GUCY1A2: variants seen among roughly 807,000 people sequenced by gnomAD.
GUCY1A2 encodes the protein guanylate cyclase soluble subunit alpha-2.
In GUCY1A2, 27 loss-of-function variants were observed where a neutral mutation model predicts 63.5. That is an observed-to-expected ratio of 0.43 (90% confidence interval 0.31 to 0.59). The LOEUF is 0.59. GUCY1A2 is among the 20% of genes least tolerant of loss of function. The probability of loss-of-function intolerance (pLI) is 0.11; values close to 1 mark genes in which losing one functional copy is unlikely to be tolerated. For missense variants in GUCY1A2, 768 were observed against 913.3 expected (o/e 0.84, Z 2.05); for synonymous variants, 364 against 343.5 (o/e 1.06, Z -0.66).
chr11:106,747,178 T>TG (rs1863804245), intron 6 of GUCY1A2, among the ~76,000 whole-genome samples: 1 of 152,064 alleles, frequency 6.6e-6, no homozygotes, highest in Non-Finnish European at 1.5e-5. Context: ...TTAGTAGAGA[T>TG]GGAGTTTCAC....
intron 4 of GUCY1A2, among the ~76,000 whole-genome samples, chr11:106,854,006 G>T (rs1158396723): frequency 1.3e-5 from 2 of 152,208 alleles, no homozygotes; most frequent in East Asian, 3.9e-4. Flanking sequence ...CAGGTGGGCT[G>T]GTCCTTGGGC....
At chr11:106,870,369 A>G (rs534059827) in intron 4 of GUCY1A2, among the ~76,000 whole-genome samples, 118 of 152,146 alleles carry the variant, frequency 7.8e-4, no homozygotes, top group African/African-American at 2.6e-3. Context: ...GTTTTGTGGG[A>G]GTTCTTTGGT....
intron 1 of GUCY1A2, among the ~76,000 whole-genome samples, chr11:106,987,151 C>G (rs1861412264): frequency 6.6e-6 from 1 of 152,176 alleles, no homozygotes; most frequent in African/African-American, 2.4e-5. Flanking sequence ...AGCATTGATC[C>G]ATTACAGCCA....
intron 4 of GUCY1A2, among the ~76,000 whole-genome samples, chr11:106,906,121 T>G (rs912789607): frequency 1.3e-5 from 2 of 152,012 alleles, no homozygotes; most frequent in Non-Finnish European, 1.5e-5. Context: ...AGAGATTCTG[T>G]GCAGCAAAAG....
chr11:106,818,618 TA>T (rs138334077), intron 4 of GUCY1A2, among the ~76,000 whole-genome samples: 1,864 of 152,200 alleles, frequency 0.012, 28 homozygotes, highest in African/African-American at 0.041. Flanking sequence ...TATCAAATGC[TA>T]GAAATGATTA....
At chr11:106,798,306 C>T (rs370425224) in intron 5 of GUCY1A2, among the ~76,000 whole-genome samples, 45 of 152,052 alleles carry the variant, frequency 3.0e-4, no homozygotes, top group African/African-American at 8.2e-4. Flanking sequence ...CAGGACCAGA[C>T]GGATTCACAG....
intron 1 of GUCY1A2, among the ~76,000 whole-genome samples, chr11:107,006,823 T>A (rs1861677459): frequency 6.6e-6 from 1 of 152,240 alleles, no homozygotes; most frequent in Admixed American, 6.5e-5. Context: ...TTTGGGATTA[T>A]GAAGGACTGA....
chr11:106,776,575 G>T lies in GUCY1A2; in HGVS notation c.1700C>A (p.Thr567Lys). The T allele has an allele frequency of 1.2e-6, 2 of 1,613,472 alleles. No homozygotes were observed. Among genetic ancestry groups the T allele is most frequent in the Non-Finnish European group, 8.5e-7 (1 of 1,179,538 alleles). The change falls in exon 6 of 8, where the codon ACA becomes AAA. Residue 567 changes from threonine (T) to lysine (K), a missense_variant. Physicochemically the swap from Thr to Lys is moderately conservative, Grantham distance 78. This residue lies in a region of GUCY1A2 where 122 missense variants were observed against 238.1 expected (regional missense o/e 0.51). Coordinates refer to ENST00000526355, the MANE Select transcript of GUCY1A2 (RefSeq NM_000855.3). ...TGCAACACAGTAGGCATCACCTATT[G>T]TTTCCACCTGCAGCAATCAGACAAA... ...CGFLDIYKVE[T>K]IGDAYCVAAG...
At chr11:106,690,349 G>C (rs1862601509) in intron 7 of GUCY1A2, among the ~76,000 whole-genome samples, 1 of 151,732 alleles carries the variant, frequency 6.6e-6, no homozygotes, top group South Asian at 2.1e-4. Context: ...CATAAAAAAA[G>C]AATGAGATCA....
At position 106,985,971 on chromosome 11, in the gene GUCY1A2, G is replaced by C. The variant is rs926740887; in HGVS notation, c.365+99C>G. 5 of 739,914 alleles carry C rather than the reference G, an allele frequency of 6.8e-6. No individual in the cohort carries two copies. The African/African-American group carries it at 8.7e-5, about 13-fold the overall frequency. 45.8% of individuals were successfully genotyped at this position (739,914 alleles called of 1,614,324 possible). A position where few individuals can be genotyped will look rare whatever the true frequency, so the allele number is the denominator to read the frequency against. On this transcript the variant is annotated intron_variant, in intron 2 of 7. Transcript: ENST00000526355. ...TGAAAACATAGCCACTATAAAATCA[G>C]GTTGACCTGGGTAGCAGAAAATCAC...
chr11:106,798,615 C>A (rs895847532), intron 5 of GUCY1A2, among the ~76,000 whole-genome samples: 1 of 152,116 alleles, frequency 6.6e-6, no homozygotes, highest in African/African-American at 2.4e-5. Flanking sequence ...TCAACATATG[C>A]AAATCAATAA....
intron 5 of GUCY1A2, among the ~76,000 whole-genome samples, chr11:106,793,448 T>G (rs549632191): frequency 3.6e-4 from 55 of 151,672 alleles, no homozygotes; most frequent in African/African-American, 1.3e-3. Context: ...TAGCAATGAG[T>G]TTTTTGGATA....
intron 4 of GUCY1A2, among the ~76,000 whole-genome samples, chr11:106,885,008 A>T (rs1296291981): frequency 1.3e-5 from 2 of 152,106 alleles, no homozygotes; most frequent in Non-Finnish European, 2.9e-5. Context: ...CAGAAAATTT[A>T]CTCCCAACGA....
At chr11:106,962,026 AAAGTT>A (rs1401044316) in intron 3 of GUCY1A2, among the ~76,000 whole-genome samples, 1 of 152,234 alleles carries the variant, frequency 6.6e-6, no homozygotes, top group Non-Finnish European at 1.5e-5. Flanking sequence ...AAATAAGAAT[AAAGTT>A]AAGTCCAATA....
chr11:106,703,838 A>ATGAT (rs1379932682), intron 7 of GUCY1A2, among the ~76,000 whole-genome samples: 1 of 151,982 alleles, frequency 6.6e-6, no homozygotes, highest in Non-Finnish European at 1.5e-5. Context: ...TTATTAAGTA[A>ATGAT]TGATTACTTA....
chr11:106,720,993 T>A (rs1863305964), intron 6 of GUCY1A2, among the ~76,000 whole-genome samples: 1 of 152,128 alleles, frequency 6.6e-6, no homozygotes, highest in South Asian at 2.1e-4. Context: ...ACGAAAAACA[T>A]TCTAAAATCA....
At chr11:106,909,355 C>CTGTGTGTGTGTG (rs59067320) in intron 4 of GUCY1A2, among the ~76,000 whole-genome samples, 8,255 of 119,884 alleles carry the variant, frequency 0.069, 577 homozygotes, top group East Asian at 0.2. Flanking sequence ...TGGTACTCAT[C>CTGTGTGTGTGTG]TGTGTGTGTG....
intron 4 of GUCY1A2, among the ~76,000 whole-genome samples, chr11:106,819,476 C>A (rs1424203060): frequency 6.6e-6 from 1 of 152,128 alleles, no homozygotes; most frequent in Non-Finnish European, 1.5e-5. Context: ...CTTCAGCAAC[C>A]ACTACCCTGA....
chr11:106,952,764 C>T (rs1323644968), intron 3 of GUCY1A2, among the ~76,000 whole-genome samples: 1 of 151,934 alleles, frequency 6.6e-6, no homozygotes, highest in African/African-American at 2.4e-5. Context: ...CCTCAGCCTC[C>T]CAATATCTGG....
Sources: gnomAD v4.1 joint callset for allele counts (sites outside exome capture counted in the v4.1 genomes callset) on GRCh38, gnomAD v4.1.1 for gene constraint, gnomAD v4.1.1 regional missense constraint, MANE v1.5 for transcripts, NCBI Gene and HGNC (gene_info 2026-07-23, HGNC 2026-07-21) for gene names.